RPS6KC1: variants seen among roughly 807,000 people sequenced by gnomAD.
RPS6KC1 encodes the protein ribosomal protein S6 kinase C1.
RPS6KC1 carries 54 observed loss-of-function variants against 103.8 expected under a neutral mutation model. That is an observed-to-expected ratio of 0.52 (90% CI 0.42 to 0.65). RPS6KC1 has a LOEUF of 0.65. Ranked by LOEUF, RPS6KC1 falls within the 30% of genes least tolerant of loss-of-function variation. The pLI is 0.00. For synonymous variants in RPS6KC1, 439 were observed against 438.7 expected, an observed-to-expected ratio of 1.00 and a Z score of -0.01; for missense variants, 1,151 against 1,253.8, an observed-to-expected ratio of 0.92 and a Z score of 1.24.
At chr1:213,144,332 G>A (rs1215429031) in intron 6 of RPS6KC1, among the ~76,000 whole-genome samples, 1 of 152,032 alleles carries the variant, frequency 6.6e-6, no homozygotes, top group East Asian at 1.9e-4. Context: ...CTGGAGTACA[G>A]TGGCACAATC....
chr1:213,095,092 C>A (rs1458502307), intron 3 of RPS6KC1, among the ~76,000 whole-genome samples: 1 of 152,156 alleles, frequency 6.6e-6, no homozygotes, highest in Non-Finnish European at 1.5e-5. Flanking sequence ...AAGCCAAAGC[C>A]CTGTAAGTCC....
chr1:213,664,192 C>CGGGGG, the RPS6KC1 span, among the ~76,000 whole-genome samples: 11,389 of 27,942 alleles, frequency 0.41, 1,024 homozygotes, highest in Non-Finnish European at 0.46. Flanking sequence ...AAGAAATGAG[C>CGGGGG]GGGGGGGCGG....
intron 6 of RPS6KC1, among the ~76,000 whole-genome samples, chr1:213,160,561 A>G (rs1481338645): frequency 6.6e-6 from 1 of 152,222 alleles, no homozygotes; most frequent in Non-Finnish European, 1.5e-5. Flanking sequence ...AGAGAAAGGC[A>G]CTAAGTTATA....
the RPS6KC1 span, among the ~76,000 whole-genome samples, chr1:213,833,700 G>A: frequency 1.3e-5 from 2 of 152,190 alleles, no homozygotes; most frequent in African/African-American, 4.8e-5. Flanking sequence ...GCCTGACCCC[G>A]CCACACCCTG....
chr1:213,212,723 G>C (rs1558548278), intron 8 of RPS6KC1, among the ~76,000 whole-genome samples: 1 of 152,168 alleles, frequency 6.6e-6, no homozygotes, highest in Non-Finnish European at 1.5e-5. Context: ...AGTTTCTGTT[G>C]CTTTATATCT....
the RPS6KC1 span, among the ~76,000 whole-genome samples, chr1:213,561,953 G>T: frequency 4.7e-3 from 719 of 152,276 alleles, 19 homozygotes; most frequent in Non-Finnish European, 1.2e-3. Context: ...GTAGGGTCAA[G>T]GTTGCACTTT....
chr1:213,151,181 A>G lies in RPS6KC1; in HGVS notation c.836-16677A>G, dbSNP rs1226822711. Among the ~76,000 whole-genome samples, 17 of 108,082 alleles carry G rather than the reference A, an allele frequency of 1.6e-4. No individual in the cohort carries two copies. In the Admixed American group the frequency reaches 1.7e-3, roughly 11 times the overall value. 70.9% of individuals were successfully genotyped at this position (108,082 alleles called of 152,430 possible). On this transcript the variant is annotated intron_variant, in intron 6 of 14. Coordinates refer to ENST00000366960, the MANE Select transcript of RPS6KC1 (RefSeq NM_012424.6). ...GGCCGGGCGGGGGGCTGACCCCCCC[A>G]CCTCCCTCCCGGATGGGGCGGCTGG...
the RPS6KC1 span, among the ~76,000 whole-genome samples, chr1:213,764,544 C>T: frequency 2.6e-5 from 4 of 152,194 alleles, no homozygotes; most frequent in Non-Finnish European, 5.9e-5. Flanking sequence ...TTCCCAATGC[C>T]TCATGAATCC....
chr1:213,159,710 A>G (rs938963427), intron 6 of RPS6KC1, among the ~76,000 whole-genome samples: 4 of 152,228 alleles, frequency 2.6e-5, no homozygotes, highest in Non-Finnish European at 5.9e-5. Context: ...TCTGTGAGGC[A>G]CAGCTGCTCT....
the RPS6KC1 span, among the ~76,000 whole-genome samples, chr1:213,726,289 G>A: frequency 6.6e-6 from 1 of 152,120 alleles, no homozygotes; most frequent in East Asian, 1.9e-4. Flanking sequence ...TGCCCAGGTT[G>A]GTCTTGAATT....
intron 8 of RPS6KC1, among the ~76,000 whole-genome samples, chr1:213,216,958 A>C (rs2093681931): frequency 6.6e-6 from 1 of 151,924 alleles, no homozygotes; most frequent in Non-Finnish European, 1.5e-5. Flanking sequence ...CACAATTAAA[A>C]GAACTAGAGA....
the RPS6KC1 span, among the ~76,000 whole-genome samples, chr1:213,631,166 G>A: frequency 1.3e-5 from 2 of 152,082 alleles, no homozygotes; most frequent in Non-Finnish European, 1.5e-5. Context: ...TCCCTGGTGA[G>A]GCGATGCCTC....
chr1:213,106,374 AG>A (rs1054078932), intron 4 of RPS6KC1, among the ~76,000 whole-genome samples: 11 of 152,230 alleles, frequency 7.2e-5, no homozygotes, highest in African/African-American at 2.4e-4. Context: ...TCAGTGACAT[AG>A]GTTTCTGGGT....
chr1:213,428,549 T>G, the RPS6KC1 span, among the ~76,000 whole-genome samples: 2 of 125,330 alleles, frequency 1.6e-5, no homozygotes, highest in African/African-American at 6.2e-5. Context: ...TCTTTCTTTC[T>G]TTCTCTCTCG....
the RPS6KC1 span, among the ~76,000 whole-genome samples, chr1:213,625,441 T>TA: frequency 4.6e-5 from 7 of 152,068 alleles, no homozygotes; most frequent in East Asian, 1.9e-4. Context: ...TCTTTTTTTT[T>TA]ATTATACTTT....
chr1:213,648,196 C>A, the RPS6KC1 span, among the ~76,000 whole-genome samples: 1 of 152,184 alleles, frequency 6.6e-6, no homozygotes. Flanking sequence ...TGGTGCTTCC[C>A]TAAAAAGTTA....
chr1:213,182,122 C>T (rs1159762445), intron 8 of RPS6KC1, among the ~76,000 whole-genome samples: 1 of 152,034 alleles, frequency 6.6e-6, no homozygotes, highest in Non-Finnish European at 1.5e-5. Flanking sequence ...ATGATGACAC[C>T]AGTAGTTTGC....
chr1:213,232,253 A>G lies in RPS6KC1; in HGVS notation c.1223A>G (p.Glu408Gly). ...ESVFLVLQHA[E>G]GGKLWSYISK... is the part of the protein sequence containing the mutation. ...GTATTTCTTGTGCTGCAGCATGCGG[A>G]AGGTTGGTTTGTAGTTTGGATTGTT... The change falls in exon 10 of 15, where the codon GAA becomes GGA. Residue 408 changes from glutamate (E) to glycine (G), a missense_variant and splice_region_variant. Physicochemically the swap from Glu to Gly is moderately conservative, Grantham distance 98. Coordinates refer to ENST00000366960, the MANE Select transcript of RPS6KC1 (RefSeq NM_012424.6). The G allele has an allele frequency of 6.2e-7, 1 of 1,613,840 alleles. No homozygotes were observed. Among genetic ancestry groups the G allele is most frequent in the South Asian group, 1.1e-5 (1 of 91,080 alleles).
chr1:213,598,205 A>T, the RPS6KC1 span, among the ~76,000 whole-genome samples: 1 of 152,198 alleles, frequency 6.6e-6, no homozygotes, highest in African/African-American at 2.4e-5. Flanking sequence ...TGTATTTTCT[A>T]GAAGTGGTAA....
Sources: gnomAD v4.1 joint callset for allele counts (sites outside exome capture counted in the v4.1 genomes callset) on GRCh38, gnomAD v4.1.1 for gene constraint, MANE v1.5 for transcripts, NCBI Gene and HGNC (gene_info 2026-07-23, HGNC 2026-07-21) for gene names.